MARK3: variants seen among roughly 807,000 people sequenced by gnomAD.
MARK3 encodes the protein microtubule affinity regulating kinase 3.
In MARK3, 46 loss-of-function variants were observed where a neutral mutation model predicts 90.1. The ratio of observed to expected loss-of-function variants is 0.51; its 90% CI spans 0.40 to 0.65. The LOEUF is 0.65. Among genes scored for constraint, MARK3 ranks in the 30% least tolerant of loss-of-function variants. The pLI, the probability that MARK3 is intolerant of heterozygous loss-of-function variation, is 0.00. For synonymous variants in MARK3, 321 were observed against 332.6 expected, an observed-to-expected ratio of 0.97 and a Z score of 0.38; for missense variants, 818 against 947.2, an observed-to-expected ratio of 0.86 and a Z score of 1.79.
intron 12 of MARK3, among the ~76,000 whole-genome samples, chr14:103,471,487 A>G (rs986151714): frequency 6.6e-6 from 1 of 152,298 alleles, no homozygotes; most frequent in East Asian, 1.9e-4. Context: ...TCTCCACTGA[A>G]GCACCTCATT....
chr14:103,477,210 G>A (rs1173895824), intron 13 of MARK3, among the ~76,000 whole-genome samples: 2 of 152,156 alleles, frequency 1.3e-5, no homozygotes, highest in South Asian at 2.1e-4. Context: ...CCATAGCTAT[G>A]GCCAGGCACG....
At chr14:103,453,358 T>C (rs1244641598) in intron 5 of MARK3, among the ~76,000 whole-genome samples, 4 of 152,232 alleles carry the variant, frequency 2.6e-5, no homozygotes. Flanking sequence ...TTAGGAATTA[T>C]AAACTACTGG....
intron 3 of MARK3, among the ~76,000 whole-genome samples, chr14:103,435,423 T>A (rs1021400078): frequency 6.6e-6 from 1 of 152,232 alleles, no homozygotes; most frequent in Non-Finnish European, 1.5e-5. Flanking sequence ...TTATTTATTT[T>A]TTTGAGACGG....
rs563647024 is a variant in MARK3, at chr14:103,408,774, G to T, written c.243+3507G>T. On this transcript the variant is annotated intron_variant, in intron 2 of 17. Transcript: ENST00000429436. Reference sequence around the variant, plus strand: ...GTGCTAACTGGAATTTTAAAAGACTGTTGCCAGAAATTTGCCTTTTGACAA... The same window carrying T: ...GTGCTAACTGGAATTTTAAAAGACTTTTGCCAGAAATTTGCCTTTTGACAA... 2.6e-5 allele frequency among the ~76,000 whole-genome samples: 4 copies of T among 152,328 alleles called. No individual in the cohort carries two copies. In the South Asian group the frequency reaches 8.3e-4, roughly 32 times the overall value.
At chr14:103,467,413 C>T in intron 11 of MARK3, 1 of 306,102 alleles carries the variant, frequency 3.3e-6, no homozygotes, top group Non-Finnish European at 6.1e-6. Context: ...GCCTGTAATC[C>T]CAGCACTTTG....
At chr14:103,446,436 C>T (rs1249388699) in intron 3 of MARK3, among the ~76,000 whole-genome samples, 1 of 152,044 alleles carries the variant, frequency 6.6e-6, no homozygotes, top group East Asian at 1.9e-4. Context: ...ACAGAAGAAT[C>T]CCTTGAACCT....
At chr14:103,412,226 A>G in intron 2 of MARK3, 1 of 834,460 alleles carries the variant, frequency 1.2e-6, no homozygotes, top group Non-Finnish European at 2.0e-6. Context: ...AGCCAGGTGA[A>G]TGTTATGCAC....
At chr14:103,477,495 A>G (rs1176551935) in intron 13 of MARK3, among the ~76,000 whole-genome samples, 3 of 151,440 alleles carry the variant, frequency 2.0e-5, no homozygotes, top group Non-Finnish European at 4.4e-5. Context: ...CCATCTCAAA[A>G]AATAAAAAAA....
intron 5 of MARK3, among the ~76,000 whole-genome samples, chr14:103,455,754 A>G (rs537915517): frequency 1.3e-5 from 2 of 152,014 alleles, no homozygotes; most frequent in Non-Finnish European, 2.9e-5. Context: ...GCATTATGCA[A>G]TCAAGTAATA....
intron 2 of MARK3, chr14:103,412,243 A>G: frequency 1.3e-6 from 1 of 746,756 alleles, no homozygotes; most frequent in Non-Finnish European, 2.3e-6. Context: ...GCACAAGCTC[A>G]TCGTCTGTCA....
chr14:103,415,378 G>C (rs773671896), intron 2 of MARK3, among the ~76,000 whole-genome samples: 2 of 151,998 alleles, frequency 1.3e-5, no homozygotes, highest in Non-Finnish European at 2.9e-5. Context: ...ATCAGAAATG[G>C]ATATCAAAAT....
At chr14:103,411,057 G>A (rs7159668) in intron 2 of MARK3, among the ~76,000 whole-genome samples, 53,128 of 152,048 alleles carry the variant, frequency 0.35, 9,834 homozygotes, top group East Asian at 0.52. Flanking sequence ...GGTGGATCAC[G>A]AGGTCAGGAG....
At chr14:103,402,483 C>T (rs1239562757) in intron 1 of MARK3, among the ~76,000 whole-genome samples, 1 of 150,798 alleles carries the variant, frequency 6.6e-6, no homozygotes, top group African/African-American at 2.4e-5. Context: ...ACCTGGGAGG[C>T]GGAGGTTGCA....
intron 2 of MARK3, among the ~76,000 whole-genome samples, chr14:103,415,717 T>C (rs1328574878): frequency 6.6e-6 from 1 of 152,252 alleles, no homozygotes; most frequent in Admixed American, 6.5e-5. Context: ...ATTTGTACTT[T>C]ATTGGAGTTA....
rs1386538020 is a variant in MARK3, at chr14:103,498,749, C to CATG, written c.1871+222_1871+224dup. ...GTACCCATGCAACAAAAGGCTGATG[C>CATG]ATGCTCTGTGTATTTTCTTTCTTTG... On this transcript the variant is annotated intron_variant, in intron 16 of 17. Transcript: ENST00000429436. The CATG allele has an allele frequency of 1.0e-5, 3 of 295,822 alleles. No homozygotes were observed. In the Admixed American group the frequency reaches 1.6e-4, roughly 16 times the overall value. 18.3% of individuals were successfully genotyped at this position (295,822 alleles called of 1,614,324 possible).
intron 16 of MARK3, chr14:103,499,921 G>T: frequency 1.8e-6 from 1 of 548,320 alleles, no homozygotes; most frequent in South Asian, 2.0e-5. Flanking sequence ...TGTGATGTAT[G>T]CAGTGTGCAG....
chr14:103,453,401 A>G (rs747468380), intron 5 of MARK3, among the ~76,000 whole-genome samples: 45 of 152,354 alleles, frequency 3.0e-4, no homozygotes, highest in Admixed American at 7.8e-4. Flanking sequence ...TCGTAATTTT[A>G]TCATTAGCAC....
chr14:103,471,918 T>C (rs896496697), intron 12 of MARK3, among the ~76,000 whole-genome samples: 1 of 152,068 alleles, frequency 6.6e-6, no homozygotes, highest in Non-Finnish European at 1.5e-5. Context: ...GGAGTTAAGA[T>C]ACAAATATAG....
chr14:103,395,578 G>C (rs556563245), intron 1 of MARK3, among the ~76,000 whole-genome samples: 6 of 152,026 alleles, frequency 3.9e-5, no homozygotes, highest in Non-Finnish European at 1.5e-5. Flanking sequence ...TTTCCTGTTC[G>C]ATCCATTTTC....
Sources: gnomAD v4.1 joint callset for allele counts (sites outside exome capture counted in the v4.1 genomes callset) on GRCh38, gnomAD v4.1.1 for gene constraint, MANE v1.5 for transcripts, NCBI Gene and HGNC (gene_info 2026-07-23, HGNC 2026-07-21) for gene names.